The following ACSM3 variants were observed in gnomAD, a reference collection of about 807,000 sequenced individuals.
ACSM3 encodes the protein acyl-CoA synthetase medium chain family member 3, also known as acyl-coenzyme A synthetase ACSM3, mitochondrial.
ACSM3 carries 61 observed loss-of-function variants against 74.1 expected under a neutral mutation model. The ratio of observed to expected loss-of-function variants is 0.82; its 90% CI spans 0.67 to 1.02. The LOEUF (loss-of-function observed/expected upper bound fraction) is 1.02, where lower values mean the gene tolerates loss of function less well. Among genes scored for constraint, ACSM3 ranks in the 50% least tolerant of loss-of-function variants. ACSM3 has a pLI of 0.00. For missense variants in ACSM3, 660 were observed against 697.0 expected (o/e 0.95, Z 0.60); for synonymous variants, 213 against 241.5 (o/e 0.88, Z 1.09).
intron 1 of ACSM3, among the ~76,000 whole-genome samples, chr16:20,731,210 T>C (rs1021522574): frequency 6.6e-6 from 1 of 152,190 alleles, no homozygotes; most frequent in East Asian, 1.9e-4. Context: ...CCTTCCTCCA[T>C]TGAGACTCTT....
chr16:20,739,542 C>T (rs931241056), intron 1 of ACSM3, among the ~76,000 whole-genome samples: 4 of 151,988 alleles, frequency 2.6e-5, no homozygotes, highest in Admixed American at 6.6e-5. Context: ...GGAGCAAGGC[C>T]GGAAGTGGTG....
At chr16:20,757,189 G>C (rs1351906246) in intron 3 of ACSM3, among the ~76,000 whole-genome samples, 2 of 152,222 alleles carry the variant, frequency 1.3e-5, no homozygotes, top group Non-Finnish European at 2.9e-5. Flanking sequence ...CTGGTAGCTT[G>C]ATGGGGATGG....
rs778161392 is a variant in ACSM3 at position 20,737,280 on chromosome 16, A to G, written c.-189-12630A>G. Reference sequence around the variant, plus strand: ...TTTATTTTCTGAATTGAGGGTGCACACTATTCCTGTAACAAAAACAGAAAA... The same window carrying G: ...TTTATTTTCTGAATTGAGGGTGCACGCTATTCCTGTAACAAAAACAGAAAA... On this transcript the variant is annotated intron_variant, in intron 1 of 3. Coordinates refer to the ACSM3 transcript ENST00000561584. 1 of 1,605,698 alleles carries G rather than the reference A, an allele frequency of 6.2e-7. No homozygotes were observed.
chr16:20,786,028 A>C lies in ACSM3; in HGVS notation c.1144-50A>C, dbSNP rs777074557. ...TGAATGAATGCATGATAGATGAATA[A>C]ATTTTAAGTGACTTGTAATGTTATC... On this transcript the variant is annotated intron_variant, in intron 8 of 13. Transcript: ENST00000289416. 28 of 1,312,560 alleles carry C rather than the reference A, an allele frequency of 2.1e-5. No homozygotes were observed. The Admixed American group carries it at 6.8e-4, about 32-fold the overall frequency. 81.3% of individuals were successfully genotyped at this position (1,312,560 alleles called of 1,614,324 possible).
intron 1 of ACSM3, chr16:20,727,585 A>T (rs1055320582): frequency 7.9e-6 from 2 of 251,712 alleles, no homozygotes; most frequent in African/African-American, 4.7e-5. Context: ...GTTTCCCAGT[A>T]TACCTCATCT....
At chr16:20,699,969 C>A (rs955279393) in intron 1 of ACSM3, among the ~76,000 whole-genome samples, 1 of 152,178 alleles carries the variant, frequency 6.6e-6, no homozygotes, top group African/African-American at 2.4e-5. Flanking sequence ...ACAATAAACT[C>A]CATGTGGAAG....
chr16:20,731,982 C>T (rs926062094), intron 1 of ACSM3, among the ~76,000 whole-genome samples: 2 of 152,140 alleles, frequency 1.3e-5, no homozygotes, highest in African/African-American at 4.8e-5. Flanking sequence ...TAATTTGTCC[C>T]ATTCTGTATA....
At chr16:20,796,834 T>A in intron 13 of ACSM3, 52 bp from the exon 14 acceptor site, 2 of 1,605,096 alleles carry the variant, frequency 1.2e-6, no homozygotes, top group Non-Finnish European at 1.7e-6. Flanking sequence ...TAATTGGCTT[T>A]ATGTAAAGAT....
chr16:20,789,515 A>G, intron 9 of ACSM3: 1 of 1,613,836 alleles, frequency 6.2e-7, no homozygotes, highest in Non-Finnish European at 8.5e-7. Context: ...TTTCCTGTTT[A>G]CTCATATTGG....
chr16:20,717,752 A>G (rs1360249098), intron 1 of ACSM3, among the ~76,000 whole-genome samples: 2 of 152,018 alleles, frequency 1.3e-5, no homozygotes, highest in Non-Finnish European at 2.9e-5. Context: ...TCCTTTTGTT[A>G]TTAATATTGA....
intron 2 of ACSM3, chr16:20,755,438 A>G (rs1263494787): frequency 6.6e-6 from 1 of 152,150 alleles, no homozygotes; most frequent in Non-Finnish European, 1.5e-5. Flanking sequence ...TGAAAAAAAT[A>G]TATATCAGCA....
At chr16:20,692,205 G>A (rs1232616050) in intron 1 of ACSM3, among the ~76,000 whole-genome samples, 2 of 152,204 alleles carry the variant, frequency 1.3e-5, no homozygotes, top group Non-Finnish European at 2.9e-5. Context: ...AGCCAAATAT[G>A]AGTGAACCTG....
intron 3 of ACSM3, among the ~76,000 whole-genome samples, chr16:20,757,057 G>C (rs1243892572): frequency 6.6e-6 from 1 of 151,252 alleles, no homozygotes; most frequent in Non-Finnish European, 1.5e-5. Flanking sequence ...ATAGTTTGAA[G>C]TCAGGTAGCG....
chr16:20,789,983 A>G (rs2080561845), intron 9 of ACSM3, among the ~76,000 whole-genome samples: 1 of 151,884 alleles, frequency 6.6e-6, no homozygotes, highest in African/African-American at 2.4e-5. Context: ...CAGCAATCCT[A>G]TTTTTCGATT....
In ACSM3 at chr16:20,685,189, T is replaced by G. The variant is rs747473611; in HGVS notation, c.-190+10367T>G. ...GTCCACCAGGTCCCTCTTGCATCAC[T>G]GACCTGTTCGCATGCAGCCCACAGC... On this transcript the variant is annotated intron_variant, in intron 1 of 3. Transcript: ENST00000561584. 9 of 1,614,030 alleles carry G rather than the reference T, an allele frequency of 5.6e-6. No homozygotes were observed. In the African/African-American group the frequency reaches 1.2e-4, roughly 22 times the overall value.
intron 3 of ACSM3, among the ~76,000 whole-genome samples, chr16:20,757,180 T>C (rs1306809566): frequency 1.3e-5 from 2 of 152,216 alleles, no homozygotes; most frequent in Admixed American, 1.3e-4. Context: ...AGAAAGTCAC[T>C]GGTAGCTTGA....
chr16:20,675,201 TCACCC>T (rs2020199593), intron 1 of ACSM3, among the ~76,000 whole-genome samples: 1 of 151,988 alleles, frequency 6.6e-6, no homozygotes, highest in Non-Finnish European at 1.5e-5. Context: ...CTAACTAGGC[TCACCC>T]GGGACACGAG....
At chr16:20,715,883 G>T (rs542477936) in intron 1 of ACSM3, among the ~76,000 whole-genome samples, 1 of 152,290 alleles carries the variant, frequency 6.6e-6, no homozygotes, top group South Asian at 2.1e-4. Context: ...CTCAGCAGGG[G>T]CAGCTGGTTT....
At chr16:20,681,286 C>G (rs186755702) in intron 1 of ACSM3, 19 of 152,352 alleles carry the variant, frequency 1.2e-4, no homozygotes, top group Admixed American at 1.1e-3. Flanking sequence ...ATCACTTAGC[C>G]TCTGAAGGAA....
Sources: gnomAD v4.1 joint callset for allele counts (sites outside exome capture counted in the v4.1 genomes callset) on GRCh38, gnomAD v4.1.1 for gene constraint, MANE v1.5 for transcripts, NCBI Gene and HGNC (gene_info 2026-07-23, HGNC 2026-07-21) for gene names.